Variants in ARFGEF1 observed in about 807,000 individuals in gnomAD.
ARFGEF1 encodes brefeldin A-inhibited guanine nucleotide-exchange protein 1.
ARFGEF1 carries 42 observed loss-of-function variants against 231.0 expected under a neutral mutation model. The ratio of observed to expected loss-of-function variants is 0.18; its 90% CI spans 0.14 to 0.24. The LOEUF is 0.24. Among genes scored for constraint, ARFGEF1 ranks in the 10% least tolerant of loss-of-function variants. The pLI is 1.00. For synonymous variants in ARFGEF1, 710 were observed against 732.3 expected (o/e 0.97, Z 0.49); for missense variants, 1,345 against 2,192.0 (o/e 0.61, Z 7.72).
chr8:67,337,283 A>G (rs565277238), intron 1 of ARFGEF1, among the ~76,000 whole-genome samples: 2 of 152,168 alleles, frequency 1.3e-5, no homozygotes, highest in Non-Finnish European at 2.9e-5. Flanking sequence ...TTACTGTCTA[A>G]AAATCTATTT....
At chr8:67,339,795 CGG>C (rs746222432) in intron 1 of ARFGEF1, among the ~76,000 whole-genome samples, 259 of 14,272 alleles carry the variant, frequency 0.018, 89 homozygotes, top group Middle Eastern at 0.045. Context: ...CAGTGTGGGG[CGG>C]GGGGGGGGAT....
rs1838218004 is a variant in ARFGEF1 at position 67,199,118 on chromosome 8, C to A, written c.5386-20G>T. 1 of 1,601,482 alleles carries A rather than the reference C, an allele frequency of 6.2e-7. No individual in the cohort carries two copies. Among genetic ancestry groups the A allele is most frequent in the African/African-American group, 1.4e-5 (1 of 73,690 alleles). ...TTTAAACTGCAGGGAAAATGAATTT[C>A]TCCATTAGTAGTGATTGCAAACTGC... On this transcript the variant is annotated intron_variant, in intron 38 of 38. Coordinates refer to ENST00000262215, the MANE Select transcript of ARFGEF1 (RefSeq NM_006421.5).
chr8:67,249,137 A>G (rs1352697164), intron 19 of ARFGEF1, among the ~76,000 whole-genome samples: 2 of 150,396 alleles, frequency 1.3e-5, no homozygotes, highest in African/African-American at 2.5e-5. Context: ...TATCTCGTAC[A>G]TGTATATAAA....
intron 10 of ARFGEF1, among the ~76,000 whole-genome samples, chr8:67,269,055 T>C (rs1247948745): frequency 1.3e-5 from 2 of 152,320 alleles, no homozygotes; most frequent in Non-Finnish European, 2.9e-5. Flanking sequence ...ATATTATGCC[T>C]ATCATAATAG....
chr8:67,339,700 G>A (rs1257904795), intron 1 of ARFGEF1, among the ~76,000 whole-genome samples: 1 of 148,112 alleles, frequency 6.8e-6, no homozygotes, highest in African/African-American at 2.5e-5. Flanking sequence ...TCTCTGCAGA[G>A]AGCTGTAGTA....
intron 5 of ARFGEF1, 68 bp downstream of exon 5, chr8:67,296,347 ATTTCACTCTAATTACT>A: frequency 8.1e-7 from 1 of 1,230,380 alleles, no homozygotes; most frequent in Non-Finnish European, 1.1e-6. Flanking sequence ...AGGTACAAAG[ATTTCACTCTAATTACT>A]GTAAACTCCT....
intron 5 of ARFGEF1, among the ~76,000 whole-genome samples, chr8:67,191,205 T>TA (rs1182931024): frequency 6.6e-6 from 1 of 152,248 alleles, no homozygotes; most frequent in Non-Finnish European, 1.5e-5. Flanking sequence ...TCCCCAGCTT[T>TA]ACAATATAGC....
At chr8:67,320,822 C>T (rs534901189) in intron 1 of ARFGEF1, among the ~76,000 whole-genome samples, 32 of 151,916 alleles carry the variant, frequency 2.1e-4, no homozygotes, top group Admixed American at 1.2e-3. Context: ...ATTAGCCAGG[C>T]GTGGTGGCAG....
Position 67,343,350 on chromosome 8 carries a change from G to A in ARFGEF1, c.-63C>T. On this transcript the variant is annotated 5_prime_UTR_variant, in exon 1 of 39. Coordinates refer to ENST00000262215, the MANE Select transcript of ARFGEF1 (RefSeq NM_006421.5). ...GGCTCCCAGCGGCTGGAGGGGAGGA[G>A]GAGGAGAGGAAGGAAGAGAAGAGAG... is the stretch of plus-strand genomic sequence containing the variant. 1 of 1,596,908 alleles carries A rather than the reference G, an allele frequency of 6.3e-7. No individual in the cohort carries two copies. Among genetic ancestry groups the A allele is most frequent in the Admixed American group, 1.7e-5 (1 of 59,174 alleles).
chr8:67,305,730 G>A (rs10504400), intron 1 of ARFGEF1, among the ~76,000 whole-genome samples: 1 of 152,140 alleles, frequency 6.6e-6, no homozygotes, highest in African/African-American at 2.4e-5. Flanking sequence ...TGCAAATGAA[G>A]TGAAAAATAT....
chr8:67,274,782 A>T (rs529551966), intron 9 of ARFGEF1, among the ~76,000 whole-genome samples: 3 of 152,250 alleles, frequency 2.0e-5, no homozygotes, highest in Non-Finnish European at 2.9e-5. Context: ...CTTCAGCAAT[A>T]ATACCAAATT....
intron 1 of ARFGEF1, among the ~76,000 whole-genome samples, chr8:67,323,804 C>CT (rs762347341): frequency 0.011 from 1,560 of 145,228 alleles, 39 homozygotes; most frequent in Middle Eastern, 0.014. Context: ...CAGAAATCTA[C>CT]TTTTTTTTTT....
Position 67,185,320 on chromosome 8 carries a change from C to T in ARFGEF1, c.561-9748G>A, listed in dbSNP as rs190785240. On this transcript the variant is annotated intron_variant, in intron 5 of 5. Transcript: ENST00000518789. ...ATCTTTTCGGTTGTGAACTAAAGGC[C>T]GACAAAGATTATCACTTTAAGATGG... Among the ~76,000 whole-genome samples, 126 of 152,180 alleles carry T rather than the reference C, an allele frequency of 8.3e-4. 1 individual carries two copies. Among genetic ancestry groups the T allele is most frequent in the African/African-American group, 2.8e-3 (115 of 41,506 alleles).
intron 37 of ARFGEF1, 28 bp from the exon 38 acceptor site, chr8:67,200,541 T>C (rs1040227800): frequency 7.2e-7 from 1 of 1,384,048 alleles, no homozygotes; most frequent in African/African-American, 1.4e-5. Context: ...TCCTTTAATG[T>C]TACTTGCGTA....
chr8:67,318,694 C>T (rs958335878), intron 1 of ARFGEF1, among the ~76,000 whole-genome samples: 2 of 152,154 alleles, frequency 1.3e-5, no homozygotes, highest in African/African-American at 4.8e-5. Context: ...ATACTATCTA[C>T]AGCCAGGTGC....
At chr8:67,175,476 G>A (rs754127361), downstream of ARFGEF1, 70 of 1,610,438 alleles carry the variant, frequency 4.3e-5, no homozygotes, top group Non-Finnish European at 5.3e-5. Context: ...GTATCAGCAC[G>A]CTGTTTTTCC....
At chr8:67,238,991 GTT>G (rs58721249) in intron 20 of ARFGEF1, 98 bp from the exon 21 acceptor site, 456 of 618,608 alleles carry the variant, frequency 7.4e-4, no homozygotes, top group African/African-American at 1.5e-3. Context: ...GTAAGATTTT[GTT>G]TTTTTTTTTT....
At chr8:67,235,093 T>C (rs1389717263) in intron 22 of ARFGEF1, among the ~76,000 whole-genome samples, 9 of 146,070 alleles carry the variant, frequency 6.2e-5, no homozygotes. Flanking sequence ...TATGTGTGTG[T>C]GTGTGTGTAT....
chr8:67,237,452 G>A (rs1222422377), intron 22 of ARFGEF1, among the ~76,000 whole-genome samples: 1 of 152,120 alleles, frequency 6.6e-6, no homozygotes, highest in African/African-American at 2.4e-5. Context: ...CCTTTATAAA[G>A]TTTGAAATTC....
Sources: gnomAD v4.1 joint callset for allele counts (sites outside exome capture counted in the v4.1 genomes callset) on GRCh38, gnomAD v4.1.1 for gene constraint, MANE v1.5 for transcripts, NCBI Gene and HGNC (gene_info 2026-07-23, HGNC 2026-07-21) for gene names.